SYNE2: variants seen among roughly 807,000 people sequenced by gnomAD.
The protein encoded by SYNE2 is spectrin repeat containing nuclear envelope protein 2, also known as nesprin-2.
A neutral mutation model predicts 856.3 loss-of-function variants in SYNE2; 431 were observed. That is an observed-to-expected ratio of 0.50 (90% CI 0.47 to 0.55). The LOEUF (loss-of-function observed/expected upper bound fraction) is 0.55, where lower values mean the gene tolerates loss of function less well. SYNE2 is among the 20% of genes least tolerant of loss of function. The pLI is 0.00. For synonymous variants in SYNE2, 2,923 were observed against 2,872.3 expected (o/e 1.02, Z -0.56); for missense variants, 8,129 against 8,023.2 (o/e 1.01, Z -0.50).
intron 34 of SYNE2, among the ~76,000 whole-genome samples, chr14:64,018,723 G>A (rs1270912065): frequency 2.0e-5 from 3 of 152,130 alleles, no homozygotes; most frequent in Non-Finnish European, 2.9e-5. Context: ...TCAGCTCTCC[G>A]GCTATAGTTA....
chr14:63,880,842 TA>T (rs938095918), intron 1 of SYNE2, among the ~76,000 whole-genome samples: 13 of 151,546 alleles, frequency 8.6e-5, no homozygotes, highest in African/African-American at 3.1e-4. Flanking sequence ...CTGGCTAATT[TA>T]AAAAAAATTT....
At chr14:63,763,119 C>G (rs1306016219) in intron 1 of SYNE2, among the ~76,000 whole-genome samples, 1 of 152,000 alleles carries the variant, frequency 6.6e-6, no homozygotes, top group Non-Finnish European at 1.5e-5. Flanking sequence ...AGGCGCCCAC[C>G]ACCACACCTG....
intron 1 of SYNE2, among the ~76,000 whole-genome samples, chr14:63,899,918 G>A (rs1306769351): frequency 6.6e-6 from 1 of 152,156 alleles, no homozygotes; most frequent in Non-Finnish European, 1.5e-5. Flanking sequence ...TTTATATACT[G>A]TGTAGTATAT....
chr14:63,790,543 T>G (rs1887697239), intron 1 of SYNE2, among the ~76,000 whole-genome samples: 1 of 152,166 alleles, frequency 6.6e-6, no homozygotes. Flanking sequence ...ACAATACAGC[T>G]GTCTCCATTT....
chr14:64,170,599 A>T lies in SYNE2; in HGVS notation c.17235+137A>T, dbSNP rs201301390. 4.6e-6 allele frequency: 4 copies of T among 864,910 alleles called. No homozygotes were observed. In the East Asian group the frequency reaches 1.1e-4, roughly 23 times the overall value. The allele number at this position is 864,910 out of a possible 1,614,324, so 53.6% of individuals were successfully genotyped here. Reference sequence around the variant, plus strand: ...CTGCAGTGTGAGGCCAGCAAGGTGCAGTCACCACCCCCCACAGCCCAGTCC... The same window carrying T: ...CTGCAGTGTGAGGCCAGCAAGGTGCTGTCACCACCCCCCACAGCCCAGTCC... On this transcript the variant is annotated intron_variant, in intron 94 of 115. Transcript: ENST00000555002.
At chr14:63,796,806 G>A (rs1327312489) in intron 1 of SYNE2, among the ~76,000 whole-genome samples, 1 of 151,978 alleles carries the variant, frequency 6.6e-6, no homozygotes, top group Non-Finnish European at 1.5e-5. Flanking sequence ...GCAACATAGC[G>A]AGACCCATTT....
chr14:64,116,946 A>G (rs1810592414), intron 66 of SYNE2, among the ~76,000 whole-genome samples: 1 of 152,238 alleles, frequency 6.6e-6, no homozygotes, highest in Non-Finnish European at 1.5e-5. Context: ...GCATAAAATT[A>G]TGCTACATTT....
chr14:64,186,434 A>C lies in SYNE2; in HGVS notation c.17567A>C (p.Gln5856Pro), dbSNP rs150328638. The C allele has an allele frequency of 6.2e-7, 1 of 1,614,220 alleles. No individual in the cohort carries two copies. The highest frequency in any genetic ancestry group is 8.5e-7 in the Non-Finnish European group (1 of 1,180,026). Residue 5856 changes from glutamine to proline, a missense_variant, in exon 97 of 116, where the codon CAG (glutamine) becomes CCG (proline). Transcript: ENST00000555002. ...NEKELIKELE[Q>P]SLASWTQNLK... ...TGTGATTAAATGCAGGAACTAGAAC[A>C]GTCTTTGGCTAGCTGGACTCAGAAC...
intron 2 of SYNE2, among the ~76,000 whole-genome samples, chr14:63,924,834 GTTTTT>G (rs1160819887): frequency 3.5e-5 from 2 of 56,456 alleles, no homozygotes; most frequent in East Asian, 8.6e-4. Context: ...CAGCCTTGGT[GTTTTT>G]TTTTTTTTTT....
chr14:63,993,843 A>T lies in SYNE2; in HGVS notation c.2655A>T (p.Leu885=), dbSNP rs752509623. The T allele has an allele frequency of 6.2e-7, 1 of 1,604,094 alleles. No homozygotes were observed. Among genetic ancestry groups the T allele is most frequent in the East Asian group, 2.2e-5 (1 of 44,796 alleles). Reference sequence around the variant, plus strand: ...ATTTTTTTTTTTTTTAGGAAGCACTAATAATTTCTAATACAAAAAGTCTGG... The same window carrying T: ...ATTTTTTTTTTTTTTAGGAAGCACTTATAATTTCTAATACAAAAAGTCTGG... The part of the protein sequence containing the change: ...GELISKHKEA[L]IISNTKSLAK... The change falls in exon 22 of 116, where the codon CTA becomes CTT. Residue 885 remains leucine (L), a synonymous_variant. Coordinates refer to ENST00000555002, the MANE Select transcript of SYNE2 (RefSeq NM_182914.3).
intron 64 of SYNE2, 93 bp from the exon 65 acceptor site, chr14:64,107,398 C>A: frequency 1.7e-6 from 2 of 1,154,164 alleles, no homozygotes; most frequent in Non-Finnish European, 1.3e-6. Flanking sequence ...TTTTTGCAAG[C>A]AGGTAGTTTG....
rs766565317 is a variant in SYNE2, at chr14:64,220,597, G to A, written c.20021G>A (p.Ser6674Asn). Residue 6674 changes from serine (S) to asparagine (N), a missense_variant, in exon 111 of 116, where the codon AGC becomes AAC. Transcript: ENST00000555002. ...LWEAAQGAVD[S>N]WRGGLRQSLM... is the part of the protein sequence containing the mutation. ...GAAGCAGCACAGGGCGCAGTGGACA[G>A]CTGGAGAGGGGGCTTACGACAGTCG... is the stretch of plus-strand genomic sequence containing the variant. 4 of 1,614,056 alleles carry A rather than the reference G, an allele frequency of 2.5e-6. No individual in the cohort carries two copies. In the African/African-American group the frequency reaches 4.0e-5, roughly 16 times the overall value.
chr14:64,189,036 T>C, intron 98 of SYNE2: 1 of 700,758 alleles, frequency 1.4e-6, no homozygotes, highest in Non-Finnish European at 2.6e-6. Context: ...CTAGTTGTTA[T>C]TAAGAAGCTC....
chr14:64,050,372 A>G (rs550137334), intron 47 of SYNE2, among the ~76,000 whole-genome samples: 1 of 152,376 alleles, frequency 6.6e-6, no homozygotes, highest in Non-Finnish European at 1.5e-5. Flanking sequence ...ACACATTCAG[A>G]CCATAGCATT....
intron 8 of SYNE2, among the ~76,000 whole-genome samples, chr14:63,958,482 A>G (rs1453849427): frequency 6.6e-6 from 1 of 152,174 alleles, no homozygotes; most frequent in Non-Finnish European, 1.5e-5. Flanking sequence ...TGTTCTTGCA[A>G]GGAAGAACTC....
intron 99 of SYNE2, among the ~76,000 whole-genome samples, chr14:64,202,500 T>C (rs1429114907): frequency 1.3e-5 from 2 of 152,214 alleles, no homozygotes; most frequent in Non-Finnish European, 2.9e-5. Context: ...CCCAGGAAGA[T>C]GAACTGGGTC....
Position 64,219,428 on chromosome 14 carries a change from TG to T in SYNE2, c.19860+22del. On this transcript the variant is annotated intron_variant, in intron 110 of 115. Transcript: ENST00000555002. ...GACTGCAGGTGAGTTAGAGGTGTGG[TG>T]GGGAAGAGGGATTCAGAATGTGCAT... The T allele has an allele frequency of 6.2e-7, 1 of 1,612,356 alleles. No individual in the cohort carries two copies. The highest frequency in any genetic ancestry group is 8.5e-7 in the Non-Finnish European group (1 of 1,178,618).
intron 60 of SYNE2, 95 bp downstream of exon 60, chr14:64,091,143 T>TACAATAATAGGATA: frequency 8.5e-7 from 1 of 1,174,484 alleles, no homozygotes; most frequent in Non-Finnish European, 1.2e-6. Context: ...ATTATTATCC[T>TACAATAATAGGATA]ATTATTGTAG....
At chr14:63,893,078 A>C (rs2095172170) in intron 1 of SYNE2, among the ~76,000 whole-genome samples, 1 of 152,194 alleles carries the variant, frequency 6.6e-6, no homozygotes, top group Non-Finnish European at 1.5e-5. Context: ...GTTTTGGGGC[A>C]GCCAAAGTGA....
Sources: gnomAD v4.1 joint callset for allele counts (sites outside exome capture counted in the v4.1 genomes callset) on GRCh38, gnomAD v4.1.1 for gene constraint, MANE v1.5 for transcripts, NCBI Gene and HGNC (gene_info 2026-07-23, HGNC 2026-07-21) for gene names.